KCNMB4: variants seen among roughly 807,000 people sequenced by gnomAD.
The protein encoded by KCNMB4 is potassium calcium-activated channel subfamily M regulatory beta subunit 4, also known as calcium-activated potassium channel subunit beta-4.
Under a neutral mutation model 20.7 loss-of-function variants are expected in KCNMB4, and 3 were observed. The observed-to-expected ratio is 0.14, with a 90% confidence interval of 0.07 to 0.37. KCNMB4 has a LOEUF of 0.37. KCNMB4 is among the 10% of genes least tolerant of loss of function. The probability of loss-of-function intolerance (pLI) is 1.00; values close to 1 mark genes in which losing one functional copy is unlikely to be tolerated. For missense variants in KCNMB4, 168 were observed against 265.9 expected, an observed-to-expected ratio of 0.63 and a Z score of 2.56; for synonymous variants, 110 against 113.4, an observed-to-expected ratio of 0.97 and a Z score of 0.19.
chr12:70,371,233 C>G (rs1402795986), intron 1 of KCNMB4, among the ~76,000 whole-genome samples: 2 of 152,142 alleles, frequency 1.3e-5, no homozygotes, highest in Non-Finnish European at 2.9e-5. Flanking sequence ...GGATAAAAGG[C>G]TCCTTCTAAG....
In KCNMB4 at chr12:70,430,810, G is replaced by T. The variant is rs1419001774; in HGVS notation, c.*157G>T. ...AGTGGCAACAGAAACAGGCACAACT[G>T]GAAGACTTGGAACCTCAAAGCTTGT... On this transcript the variant is annotated 3_prime_UTR_variant, in exon 3 of 3. Transcript: ENST00000258111. The T allele has an allele frequency of 6.5e-6, 4 of 613,532 alleles. No homozygotes were observed. Among genetic ancestry groups the T allele is most frequent in the Non-Finnish European group, 2.6e-6 (1 of 383,602 alleles). 38.0% of individuals were successfully genotyped at this position (613,532 alleles called of 1,614,324 possible).
At chr12:70,417,533 A>G (rs1405565639) in intron 2 of KCNMB4, among the ~76,000 whole-genome samples, 1 of 152,246 alleles carries the variant, frequency 6.6e-6, no homozygotes, top group Admixed American at 6.5e-5. Flanking sequence ...TGACAGAATG[A>G]GTAGTAAATA....
At chr12:70,389,619 G>C (rs1194793191) in intron 1 of KCNMB4, among the ~76,000 whole-genome samples, 1 of 152,130 alleles carries the variant, frequency 6.6e-6, no homozygotes, top group Non-Finnish European at 1.5e-5. Flanking sequence ...ACTTGAGCCT[G>C]GGAGGTTGAG....
chr12:70,370,433 G>A (rs900832451), intron 1 of KCNMB4, among the ~76,000 whole-genome samples: 5 of 150,714 alleles, frequency 3.3e-5, no homozygotes, highest in East Asian at 2.0e-4. Flanking sequence ...TCAGCCTCCC[G>A]AGTAGCTGGG....
At chr12:70,401,979 A>G (rs1161107604) in intron 2 of KCNMB4, among the ~76,000 whole-genome samples, 4 of 152,104 alleles carry the variant, frequency 2.6e-5, no homozygotes, top group African/African-American at 9.7e-5. Flanking sequence ...TTGCCTCTTG[A>G]TAGGAGGAGC....
chr12:70,372,524 G>A (rs1016668491), intron 1 of KCNMB4, among the ~76,000 whole-genome samples: 4 of 152,170 alleles, frequency 2.6e-5, no homozygotes, highest in Non-Finnish European at 5.9e-5. Flanking sequence ...TAATGAATTG[G>A]ATATGAGGAA....
At chr12:70,427,141 A>G (rs895885154) in intron 2 of KCNMB4, among the ~76,000 whole-genome samples, 8 of 152,244 alleles carry the variant, frequency 5.3e-5, no homozygotes, top group African/African-American at 1.7e-4. Flanking sequence ...ATTTATAAAG[A>G]AATTGTAGTT....
rs34956547 is a variant in KCNMB4, at chr12:70,402,654, C to CAAA, written c.464+2337_464+2339dup. On this transcript the variant is annotated intron_variant, in intron 2 of 2. Coordinates refer to ENST00000258111, the MANE Select transcript of KCNMB4 (RefSeq NM_014505.6). The stretch of plus-strand genomic sequence containing the variant: ...TGGGTGACAAAATGAGACCCTGCCT[C>CAAA]AAAAAAAAAAAAAAAAAAAAAGGAA... Among the ~76,000 whole-genome samples the CAAA allele has an allele frequency of 5.0e-3, 375 of 74,860 alleles. 4 individuals carry two copies. Among genetic ancestry groups the CAAA allele is most frequent in the East Asian group, 8.5e-3 (21 of 2,468 alleles). The allele number at this position is 74,860 out of a possible 152,430, so 49.1% of individuals were successfully genotyped here.
chr12:70,408,212 T>C (rs1868665934), intron 2 of KCNMB4, among the ~76,000 whole-genome samples: 1 of 152,072 alleles, frequency 6.6e-6, no homozygotes. Context: ...GTTTGGCTCT[T>C]TTACCATGAC....
intron 2 of KCNMB4, among the ~76,000 whole-genome samples, chr12:70,420,807 C>T (rs1255699761): frequency 1.3e-5 from 2 of 152,068 alleles, no homozygotes; most frequent in African/African-American, 2.4e-5. Flanking sequence ...ACCTGTAATC[C>T]CAGCACTTTG....
intron 2 of KCNMB4, among the ~76,000 whole-genome samples, chr12:70,415,613 C>T (rs997037348): frequency 6.6e-6 from 1 of 152,208 alleles, no homozygotes; most frequent in Non-Finnish European, 1.5e-5. Flanking sequence ...GCTGTATCTT[C>T]TACCAAGAAA....
chr12:70,433,518 A>G lies in KCNMB4; in HGVS notation c.*2865A>G, dbSNP rs1031405123. On this transcript the variant is annotated 3_prime_UTR_variant, in exon 3 of 3. Coordinates refer to ENST00000258111, the MANE Select transcript of KCNMB4 (RefSeq NM_014505.6). Reference sequence around the variant, plus strand: ...CATCACTTCTGCCCACCGTCCATTCATGAATACTTACTATATAGCTATACC... The same window carrying G: ...CATCACTTCTGCCCACCGTCCATTCGTGAATACTTACTATATAGCTATACC... 6.6e-6 allele frequency: 1 copy of G among 152,240 alleles called. No homozygotes were observed. Among genetic ancestry groups the G allele is most frequent in the African/African-American group, 2.4e-5 (1 of 41,466 alleles). The allele number at this position is 152,240 out of a possible 1,614,324, so 9.4% of individuals were successfully genotyped here. A position where few individuals can be genotyped will look rare whatever the true frequency, so the allele number is the denominator to read the frequency against.
intron 1 of KCNMB4, among the ~76,000 whole-genome samples, chr12:70,385,041 C>G (rs1283641498): frequency 6.6e-6 from 1 of 151,998 alleles, no homozygotes; most frequent in Non-Finnish European, 1.5e-5. Flanking sequence ...ATGTTCCAAG[C>G]AGATATTATT....
Position 70,376,298 on chromosome 12 carries a change from T to TCCACTCTTA in KCNMB4, c.336+9237_336+9245dup, listed in dbSNP as rs1380232740. Among the ~76,000 whole-genome samples, 3 of 152,116 alleles carry TCCACTCTTA rather than the reference T, an allele frequency of 2.0e-5. No homozygotes were observed. In the East Asian group the frequency reaches 5.8e-4, roughly 30 times the overall value. On this transcript the variant is annotated intron_variant, in intron 1 of 2. Transcript: ENST00000258111. ...TAAGATCAAGAAGAAGACGAGGATGTCCACTCTTACCACTCTTGTTCAACA... is the reference window on the plus strand; with the variant it reads ...TAAGATCAAGAAGAAGACGAGGATGTCCACTCTTACCACTCTTACCACTCTTGTTCAACA...
chr12:70,384,943 C>G (rs1490207224), intron 1 of KCNMB4, among the ~76,000 whole-genome samples: 1 of 151,370 alleles, frequency 6.6e-6, no homozygotes, highest in African/African-American at 2.4e-5. Flanking sequence ...TAGATGCTCC[C>G]TATTTAAAGG....
chr12:70,424,042 C>G (rs1045718531), intron 2 of KCNMB4, among the ~76,000 whole-genome samples: 1 of 152,166 alleles, frequency 6.6e-6, no homozygotes, highest in Non-Finnish European at 1.5e-5. Flanking sequence ...CAGGGCTTGT[C>G]TACCTAACTT....
At chr12:70,415,956 A>C (rs1479059275) in intron 2 of KCNMB4, among the ~76,000 whole-genome samples, 1 of 152,234 alleles carries the variant, frequency 6.6e-6, no homozygotes, top group African/African-American at 2.4e-5. Flanking sequence ...TTGTTCTGCA[A>C]ATATCACATG....
chr12:70,431,120 C>T lies in KCNMB4; in HGVS notation c.*467C>T, dbSNP rs1869353633. On this transcript the variant is annotated 3_prime_UTR_variant, in exon 3 of 3. Coordinates refer to ENST00000258111, the MANE Select transcript of KCNMB4 (RefSeq NM_014505.6). ...TTGCTTCTGCTAGGTTAAACTTTTACTTGACAACAAGGATTCCTGCTGAAG... is the reference window on the plus strand; with the variant it reads ...TTGCTTCTGCTAGGTTAAACTTTTATTTGACAACAAGGATTCCTGCTGAAG... 1 of 151,150 alleles carries T rather than the reference C, an allele frequency of 6.6e-6. No individual in the cohort carries two copies. Among genetic ancestry groups the T allele is most frequent in the Non-Finnish European group, 1.5e-5 (1 of 67,958 alleles). The allele number at this position is 151,150 out of a possible 1,614,324, so 9.4% of individuals were successfully genotyped here. A position where few individuals can be genotyped will look rare whatever the true frequency, so the allele number is the denominator to read the frequency against.
chr12:70,418,080 T>C lies in KCNMB4; in HGVS notation c.465-12405T>C, dbSNP rs546403983. ...AAATGCCTTATTTTGTCTGTGCACA[T>C]CATACCCAGGACTGTTGAGATGGTA... On this transcript the variant is annotated intron_variant, in intron 2 of 2. Coordinates refer to ENST00000258111, the MANE Select transcript of KCNMB4 (RefSeq NM_014505.6). Among the ~76,000 whole-genome samples the C allele has an allele frequency of 9.8e-5, 15 of 152,318 alleles. No homozygotes were observed. In the South Asian group the frequency reaches 3.1e-3, roughly 32 times the overall value.
Sources: allele counts gnomAD v4.1 joint callset (sites outside exome capture counted in the v4.1 genomes callset), GRCh38; gene constraint gnomAD v4.1.1; transcripts MANE v1.5; gene names NCBI Gene and HGNC (gene_info 2026-07-23, HGNC 2026-07-21).